Variants in PLIN5 observed in about 807,000 individuals in gnomAD.
PLIN5 encodes the protein perilipin-5.
In PLIN5, 34 loss-of-function variants were observed where a neutral mutation model predicts 32.8. The observed-to-expected ratio is 1.04, with a 90% confidence interval of 0.79 to 1.38. PLIN5 has a LOEUF of 1.38. Ranked by LOEUF, PLIN5 falls within the 40% of genes most tolerant of loss-of-function variation. PLIN5 has a pLI of 0.00. For synonymous variants in PLIN5, 309 were observed against 292.9 expected, an observed-to-expected ratio of 1.05 and a Z score of -0.56; for missense variants, 712 against 660.5, an observed-to-expected ratio of 1.08 and a Z score of -0.85.
chr19:4,529,900 G>C, intron 3 of PLIN5, 34 bp from the exon 4 acceptor site: 3 of 1,446,948 alleles, frequency 2.1e-6, no homozygotes, highest in Non-Finnish European at 2.9e-6. Context: ...GAGACTCGGG[G>C]AGACGCAGAG....
chr19:4,533,878 G>T, intron 2 of PLIN5, 137 bp downstream of exon 2: 1 of 1,030,434 alleles, frequency 9.7e-7, no homozygotes, highest in Non-Finnish European at 1.4e-6. Flanking sequence ...TCCCCTCCAT[G>T]GACCAAAATA....
Position 4,534,011 on chromosome 19 carries a change from T to A in PLIN5, c.60+4A>T. On this transcript the variant is annotated splice_donor_region_variant and intron_variant, in intron 2 of 7. Coordinates refer to ENST00000381848, the MANE Select transcript of PLIN5 (RefSeq NM_001013706.3). Reference sequence around the variant, plus strand: ...CCCTGCTCCATGGGAGGGGCAGCCCTCACCTGCTGGTCCTGCTCCCACACA... The same window carrying A: ...CCCTGCTCCATGGGAGGGGCAGCCCACACCTGCTGGTCCTGCTCCCACACA... The A allele has an allele frequency of 6.2e-7, 1 of 1,612,250 alleles. No individual in the cohort carries two copies. Among genetic ancestry groups the A allele is most frequent in the Non-Finnish European group, 8.5e-7 (1 of 1,179,208 alleles).
chr19:4,528,010 C>T (rs1434788580), intron 5 of PLIN5, among the ~76,000 whole-genome samples: 2 of 151,272 alleles, frequency 1.3e-5, no homozygotes, highest in Admixed American at 6.6e-5. Context: ...CCCGGGTTCA[C>T]GCCATTCTCC....
At chr19:4,529,608 T>TACAC (rs768882689) in intron 4 of PLIN5, 176 bp downstream of exon 4, 8 of 328,490 alleles carry the variant, frequency 2.4e-5, no homozygotes, top group Admixed American at 5.7e-5. Context: ...TACATATATG[T>TACAC]ATACACACAC....
chr19:4,529,865 C>T lies in PLIN5; in HGVS notation c.258G>A (p.Leu86=). The change falls in exon 4 of 8, where the codon CTG becomes CTA. Residue 86 remains leucine (L), a splice_region_variant and synonymous_variant. Transcript: ENST00000381848. ...QPLLEHLQPQ[L]ATMNSLACRG... ...TGCAGGCGAGGCTGTTCATAGTGGC[C>T]ACTGAAGGGAGAGAGGCGGGGAGTG... is the stretch of plus-strand genomic sequence containing the variant. 1 of 1,597,142 alleles carries T rather than the reference C, an allele frequency of 6.3e-7. No individual in the cohort carries two copies. Among genetic ancestry groups the T allele is most frequent in the Non-Finnish European group, 8.6e-7 (1 of 1,168,236 alleles).
chr19:4,529,630 C>T lies in PLIN5; in HGVS notation c.339+154G>A, dbSNP rs770397664. 1.1e-5 allele frequency: 6 copies of T among 556,850 alleles called. No homozygotes were observed. In the Admixed American group the frequency reaches 1.6e-4, roughly 15 times the overall value. The allele number at this position is 556,850 out of a possible 1,614,324, so 34.5% of individuals were successfully genotyped here. ...ATGTATACACACACACACACACACA[C>T]ACACACACACACACACACACGTTGC... On this transcript the variant is annotated intron_variant, in intron 4 of 7. Transcript: ENST00000381848.
intron 4 of PLIN5, 172 bp from the exon 5 acceptor site, chr19:4,529,425 G>A (rs1054677280): frequency 6.0e-6 from 4 of 663,780 alleles, no homozygotes; most frequent in Non-Finnish European, 2.5e-6. Flanking sequence ...GGGTGTTGAG[G>A]GAGTTAACTG....
At position 4,525,605 on chromosome 19, in the gene PLIN5, G is replaced by C; in HGVS notation, c.720+28C>G. The stretch of plus-strand genomic sequence containing the variant: ...ATCCATACTGATTGGCCTGCATCCC[G>C]GAGCAGGGGCGGGCAGCGGGCTCTC... On this transcript the variant is annotated intron_variant, in intron 6 of 7. Coordinates refer to ENST00000381848, the MANE Select transcript of PLIN5 (RefSeq NM_001013706.3). This position sits in a 1 kb window ranked among gnomAD's most constrained non-coding sequence, Gnocchi z 5.6. The C allele has an allele frequency of 6.2e-7, 1 of 1,609,290 alleles. No homozygotes were observed. The highest frequency in any genetic ancestry group is 8.5e-7 in the Non-Finnish European group (1 of 1,179,666).
Position 4,523,812 on chromosome 19 carries a change from G to A in PLIN5, c.1108C>T (p.Pro370Ser), listed in dbSNP as rs372591306. 1 of 1,593,812 alleles carries A rather than the reference G, an allele frequency of 6.3e-7. No homozygotes were observed. Among genetic ancestry groups the A allele is most frequent in the Non-Finnish European group, 8.5e-7 (1 of 1,177,262 alleles). ...ELLELVVQAV[P>S]LPWLVGPFAP... ...AAGGGTCCCACCAGCCAGGGCAGCG[G>A]CACGGCCTGCACCACCAGCTCCAGC... Residue 370 changes from proline (P) to serine (S), a missense_variant, in exon 8 of 8, where the codon CCG becomes TCG. Coordinates refer to ENST00000381848, the MANE Select transcript of PLIN5 (RefSeq NM_001013706.3). The surrounding 1 kb of genome is among the most constrained non-coding windows in gnomAD (Gnocchi z 5.0).
At chr19:4,529,568 GTATA>G (rs1382642342) in intron 4 of PLIN5, 2 of 430,352 alleles carry the variant, frequency 4.6e-6, no homozygotes, top group Admixed American at 7.7e-5. Flanking sequence ...ATACTTATAC[GTATA>G]TATACATATA....
At position 4,523,864 on chromosome 19, in the gene PLIN5, G is replaced by A. The variant is rs773131276; in HGVS notation, c.1056C>T (p.Ala352=). The A allele has an allele frequency of 2.6e-6, 4 of 1,539,044 alleles. No individual in the cohort carries two copies. The highest frequency in any genetic ancestry group is 1.7e-4 in the Middle Eastern group (1 of 5,778). The change falls in exon 8 of 8, where the codon GCC becomes GCT. Residue 352 remains alanine (A), a synonymous_variant. Transcript: ENST00000381848. This position sits in a 1 kb window ranked among gnomAD's most constrained non-coding sequence, Gnocchi z 5.0. ...GCTCGTCCACGCAGGCGTGCGCGTG[G>A]GCCACGCGACCCCGGCCCTCGGCCA... is the stretch of plus-strand genomic sequence containing the variant. ...AALAEGRGRV[A]HAHACVDELL...
At position 4,523,541 on chromosome 19, in the gene PLIN5, T is replaced by TCGGGCATCAGGGTGTGCTTGAC. The variant is rs757554429; in HGVS notation, c.1357_1378dup (p.Glu460GlyfsTer45). On this transcript the variant is annotated frameshift_variant, in exon 8 of 8. Transcript: ENST00000381848. LOFTEE classifies it high-confidence loss of function. The surrounding 1 kb of genome is among the most constrained non-coding windows in gnomAD (Gnocchi z 5.0). ...CTGGCCCATGGGTCAGAAGTCCAGC[T>TCGGGCATCAGGGTGTGCTTGAC]CGGGCATCAGGGTGTGCTTGACCGG... 4 of 1,565,656 alleles carry TCGGGCATCAGGGTGTGCTTGAC rather than the reference T, an allele frequency of 2.6e-6. No individual in the cohort carries two copies. Among genetic ancestry groups the TCGGGCATCAGGGTGTGCTTGAC allele is most frequent in the South Asian group, 1.2e-5 (1 of 83,384 alleles).
chr19:4,526,268 C>A (rs936029761), intron 5 of PLIN5, among the ~76,000 whole-genome samples: 2 of 152,206 alleles, frequency 1.3e-5, no homozygotes, highest in African/African-American at 4.8e-5. Flanking sequence ...GTCCCCTAGG[C>A]TGGAGTGCAG....
Position 4,523,891 on chromosome 19 carries a change from C to A in PLIN5, c.1029G>T (p.Ala343=), listed in dbSNP as rs536989939. ...CCACGCGACCCCGGCCCTCGGCCAG[C>A]GCGGCCGCTGGCACGTCCCTGAAGC... ...ARCFRDVPAA[A]LAEGRGRVAH... The change falls in exon 8 of 8, where the codon GCG becomes GCT. Residue 343 remains alanine, a synonymous_variant. Transcript: ENST00000381848. The surrounding 1 kb of genome is among the most constrained non-coding windows in gnomAD (Gnocchi z 5.0). 1.3e-6 allele frequency: 2 copies of A among 1,515,044 alleles called. No individual in the cohort carries two copies. Among genetic ancestry groups the A allele is most frequent in the Non-Finnish European group, 1.8e-6 (2 of 1,142,096 alleles). The allele number at this position is 1,515,044 out of a possible 1,614,324, so 93.9% of individuals were successfully genotyped here.
At chr19:4,534,236 G>A in intron 1 of PLIN5, 141 bp from the exon 2 acceptor site, 2 of 685,754 alleles carry the variant, frequency 2.9e-6, no homozygotes, top group African/African-American at 1.8e-5. Context: ...GTGGAGCTCA[G>A]ACAATGCATG....
Position 4,529,253 on chromosome 19 carries a change from C to A in PLIN5, c.340G>T (p.Val114Leu). The change falls in exon 5 of 8, where the codon GTG (valine) becomes TTG (leucine). Residue 114 changes from valine (V) to leucine (L), a missense_variant and splice_region_variant. Physicochemically the swap from Val to Leu is conservative, Grantham distance 32. Coordinates refer to ENST00000381848, the MANE Select transcript of PLIN5 (RefSeq NM_001013706.3). The stretch of plus-strand genomic sequence containing the variant: ...ACCACGTCCTTGGCTGAGGTCACCA[C>A]CTGGAAGGAAGGGCCCCCCCACTCC... ...LPFLQQPSET[V>L]VTSAKDVVAS... 2 of 1,596,598 alleles carry A rather than the reference C, an allele frequency of 1.3e-6. No individual in the cohort carries two copies. The highest frequency in any genetic ancestry group is 1.7e-6 in the Non-Finnish European group (2 of 1,169,566).
At chr19:4,529,554 A>ATATATACTTATACGTATATATACG in intron 4 of PLIN5, 1 of 514,528 alleles carries the variant, frequency 1.9e-6, no homozygotes, top group East Asian at 3.0e-5. Context: ...GTATATATAC[A>ATATATACTTATACGTATATATACG]TATATACTTA....
In PLIN5 at chr19:4,523,766, C is replaced by T. The variant is rs553049950; in HGVS notation, c.1154G>A (p.Arg385Gln). 39 of 1,599,200 alleles carry T rather than the reference C, an allele frequency of 2.4e-5. No individual in the cohort carries two copies. Among genetic ancestry groups the T allele is most frequent in the Admixed American group, 1.5e-4 (9 of 59,954 alleles). The change falls in exon 8 of 8, where the codon CGA becomes CAA. Residue 385 changes from arginine (R) to glutamine (Q), a missense_variant. Physicochemically the swap from Arg to Gln is conservative, Grantham distance 43. Coordinates refer to ENST00000381848, the MANE Select transcript of PLIN5 (RefSeq NM_001013706.3). This position sits in a 1 kb window ranked among gnomAD's most constrained non-coding sequence, Gnocchi z 5.0. ...VGPFAPILVE[R>Q]PEPLPDLADL... is the part of the protein sequence containing the mutation. ...CGCCAGGTCGGGCAGGGGCTCGGGT[C>T]GCTCCACAAGGATGGGCGCGAAGGG... is the stretch of plus-strand genomic sequence containing the variant.
At chr19:4,524,865 C>A in intron 7 of PLIN5, 98 bp downstream of exon 7, 2 of 1,021,376 alleles carry the variant, frequency 2.0e-6, no homozygotes, top group South Asian at 1.8e-5. Context: ...TGAGTTGGGT[C>A]CCCGGCAGTA....
Sources: allele counts gnomAD v4.1 joint callset (sites outside exome capture counted in the v4.1 genomes callset), GRCh38; gene constraint gnomAD v4.1.1; non-coding constraint Gnocchi (gnomAD v3.1); transcripts MANE v1.5; gene names NCBI Gene and HGNC (gene_info 2026-07-23, HGNC 2026-07-21).